Variants in DACH2 observed in about 807,000 individuals in gnomAD.
DACH2 encodes dachshund family transcription factor 2.
In DACH2, 17 loss-of-function variants were observed where a neutral mutation model predicts 35.8. The observed-to-expected ratio is 0.48, with a 90% CI of 0.33 to 0.71. The LOEUF is 0.71. DACH2 is among the 30% of genes least tolerant of loss of function. The pLI is 0.02. For synonymous variants in DACH2, 195 were observed against 177.3 expected (o/e 1.10, Z -0.79); for missense variants, 469 against 472.7 (o/e 0.99, Z 0.07).
At chrX:86,576,557 G>T (rs1253749618) in intron 3 of DACH2, among the ~76,000 whole-genome samples, 2 of 110,691 alleles carry the variant, frequency 1.8e-5, no homozygotes, top group Admixed American at 9.7e-5. Flanking sequence ...CTGCATAAGG[G>T]GTTGATTTCA....
At chrX:86,543,219 T>C in intron 3 of DACH2, among the ~76,000 whole-genome samples, 1 of 111,658 alleles carries the variant, frequency 9.0e-6, no homozygotes, top group Non-Finnish European at 1.9e-5. Flanking sequence ...ATGGACTTGT[T>C]CCTGCCCCCC....
chrX:86,360,362 T>C (rs1490508966), intron 1 of DACH2, among the ~76,000 whole-genome samples: 2 of 111,429 alleles, frequency 1.8e-5, no homozygotes, highest in Non-Finnish European at 3.8e-5. Context: ...TATAAAACAC[T>C]GTGGGAATGA....
intron 1 of DACH2, among the ~76,000 whole-genome samples, chrX:86,309,835 A>C (rs1189282149): frequency 8.9e-6 from 1 of 112,201 alleles, no homozygotes. Context: ...ACTCCAGACC[A>C]TTTACTCAGT....
chrX:86,751,402 G>GA (rs200701386), intron 7 of DACH2, among the ~76,000 whole-genome samples: 12 of 108,708 alleles, frequency 1.1e-4, no homozygotes, highest in African/African-American at 3.3e-4. Flanking sequence ...AGACTAGTGT[G>GA]AAAAAAAAAT....
intron 1 of DACH2, among the ~76,000 whole-genome samples, chrX:86,361,767 C>G (rs1449615672): frequency 9.0e-6 from 1 of 111,219 alleles, no homozygotes. Context: ...GACAGAATTA[C>G]AAATATTTCG....
chrX:86,414,618 G>A (rs1191678379), intron 2 of DACH2, among the ~76,000 whole-genome samples: 3 of 110,890 alleles, frequency 2.7e-5, no homozygotes, highest in African/African-American at 6.6e-5. Flanking sequence ...CCTCCCAGCT[G>A]GAATGAGTAG....
chrX:86,813,729 T>C (rs1354036196), intron 9 of DACH2, among the ~76,000 whole-genome samples: 1 of 110,284 alleles, frequency 9.1e-6, no homozygotes, highest in Non-Finnish European at 1.9e-5. Flanking sequence ...AACTATATGG[T>C]CCTTCGGCTT....
intron 1 of DACH2, among the ~76,000 whole-genome samples, chrX:86,255,151 G>T (rs755774160): frequency 1.8e-5 from 2 of 110,785 alleles, no homozygotes; most frequent in Admixed American, 9.7e-5. Context: ...AGAATGAAAT[G>T]TTGGACACAG....
chrX:86,272,201 T>TGG (rs1267828103), intron 1 of DACH2, among the ~76,000 whole-genome samples: 9 of 103,872 alleles, frequency 8.7e-5, no homozygotes, highest in African/African-American at 3.3e-4. Flanking sequence ...CCTTTGAGAG[T>TGG]GTGTGTGTGT....
chrX:86,328,799 C>T (rs1222432399), intron 1 of DACH2, among the ~76,000 whole-genome samples: 2 of 111,478 alleles, frequency 1.8e-5, no homozygotes, highest in South Asian at 3.8e-4. Flanking sequence ...ACTTTCCCTT[C>T]TTGCTTTTTA....
intron 4 of DACH2, among the ~76,000 whole-genome samples, chrX:86,691,847 GA>G (rs2041013675): frequency 8.9e-6 from 1 of 111,805 alleles, no homozygotes; most frequent in Non-Finnish European, 1.9e-5. Context: ...ATAGGATGAG[GA>G]AAGTGGATAC....
chrX:86,241,709 T>C (rs993247162), intron 1 of DACH2, among the ~76,000 whole-genome samples: 2 of 112,386 alleles, frequency 1.8e-5, no homozygotes, highest in African/African-American at 3.2e-5. Flanking sequence ...GCCCCTCCCA[T>C]CACAGGCCCT....
At chrX:86,297,127 G>T (rs923601349) in intron 1 of DACH2, among the ~76,000 whole-genome samples, 2 of 106,645 alleles carry the variant, frequency 1.9e-5, no homozygotes, top group Non-Finnish European at 3.8e-5. Flanking sequence ...GGAACCATTG[G>T]TCTGGCTACT....
intron 1 of DACH2, among the ~76,000 whole-genome samples, chrX:86,290,600 T>C (rs2034263241): frequency 9.1e-6 from 1 of 109,524 alleles, no homozygotes; most frequent in Admixed American, 9.9e-5. Context: ...GATTTTTGTA[T>C]CAGGTGTAAG....
At chrX:86,449,171 A>C (rs2037319465) in intron 2 of DACH2, among the ~76,000 whole-genome samples, 1 of 46,526 alleles carries the variant, frequency 2.1e-5, no homozygotes, top group East Asian at 6.4e-4. Context: ...TATTGTGTCT[A>C]TTTGATTCTT....
At chrX:86,515,304 G>A (rs950426357) in intron 3 of DACH2, among the ~76,000 whole-genome samples, 4 of 110,721 alleles carry the variant, frequency 3.6e-5, no homozygotes, top group African/African-American at 1.3e-4. Flanking sequence ...GTAAATGGAA[G>A]CAGTTATATC....
intron 3 of DACH2, among the ~76,000 whole-genome samples, chrX:86,579,540 A>T (rs2039476837): frequency 9.0e-6 from 1 of 111,643 alleles, no homozygotes; most frequent in Non-Finnish European, 1.9e-5. Flanking sequence ...AATACAAATG[A>T]ACTACCTACC....
At chrX:86,686,716 A>G (rs991476751) in intron 4 of DACH2, among the ~76,000 whole-genome samples, 1 of 111,969 alleles carries the variant, frequency 8.9e-6, no homozygotes, top group Non-Finnish European at 1.9e-5. Context: ...TCTTTTAACC[A>G]GAGTGTATTT....
intron 1 of DACH2, among the ~76,000 whole-genome samples, chrX:86,190,836 C>T (rs1007335333): frequency 4.5e-5 from 5 of 111,081 alleles, no homozygotes; most frequent in Non-Finnish European, 9.4e-5. Context: ...CCCAGCTACT[C>T]GGGAAGCTGA....
Sources: gnomAD v4.1 joint callset for allele counts (sites outside exome capture counted in the v4.1 genomes callset) on GRCh38, gnomAD v4.1.1 for gene constraint, MANE v1.5 for transcripts, NCBI Gene and HGNC (gene_info 2026-07-23, HGNC 2026-07-21) for gene names.